TSHZ2: variants seen among roughly 807,000 people sequenced by gnomAD.
The protein encoded by TSHZ2 is teashirt homolog 2.
A neutral mutation model predicts 74.4 loss-of-function variants in TSHZ2; 21 were observed. That is an observed-to-expected ratio of 0.28 (90% CI 0.20 to 0.41). The LOEUF (loss-of-function observed/expected upper bound fraction) is 0.41. Ranked by LOEUF, TSHZ2 falls within the 10% of genes least tolerant of loss-of-function variation. The pLI is 1.00. For synonymous variants in TSHZ2, 540 were observed against 515.3 expected (o/e 1.05, Z -0.65); for missense variants, 1,244 against 1,293.5 (o/e 0.96, Z 0.59).
At chr20:53,389,538 A>G (rs931214405) in intron 2 of TSHZ2, among the ~76,000 whole-genome samples, 1 of 152,232 alleles carries the variant, frequency 6.6e-6, no homozygotes, top group Non-Finnish European at 1.5e-5. Flanking sequence ...AGACTAGCAA[A>G]TGCTAGGAGG....
intron 2 of TSHZ2, among the ~76,000 whole-genome samples, chr20:53,370,816 T>G (rs1568888578): frequency 6.6e-6 from 1 of 152,172 alleles, no homozygotes; most frequent in Non-Finnish European, 1.5e-5. Context: ...TGGGTTGGGT[T>G]TGGCTGAGGG....
chr20:53,368,253 A>C (rs1396166748), intron 2 of TSHZ2, among the ~76,000 whole-genome samples: 1 of 151,632 alleles, frequency 6.6e-6, no homozygotes, highest in Admixed American at 6.6e-5. Flanking sequence ...CTGCTAAACC[A>C]AACCAAAATA....
chr20:52,978,969 A>G (rs934090262), intron 1 of TSHZ2, among the ~76,000 whole-genome samples: 8 of 151,804 alleles, frequency 5.3e-5, no homozygotes, highest in African/African-American at 1.9e-4. Context: ...TTTTTTTTTA[A>G]GTTTTACAAG....
chr20:53,241,715 C>T (rs886281325), intron 1 of TSHZ2, among the ~76,000 whole-genome samples: 8 of 152,108 alleles, frequency 5.3e-5, no homozygotes, highest in Admixed American at 1.3e-4. Flanking sequence ...TGACTTCTTT[C>T]CAGTTATCTC....
chr20:53,165,163 C>T (rs932545642), intron 1 of TSHZ2, among the ~76,000 whole-genome samples: 1 of 152,076 alleles, frequency 6.6e-6, no homozygotes, highest in Admixed American at 6.6e-5. Context: ...GTAATAATAA[C>T]AGCTAACACT....
intron 2 of TSHZ2, among the ~76,000 whole-genome samples, chr20:53,469,890 AGAGGAAAG>A (rs1244845565): frequency 3.7e-5 from 5 of 136,372 alleles, no homozygotes; most frequent in Non-Finnish European, 6.3e-5. Flanking sequence ...AAAAAGAGAG[AGAGGAAAG>A]GAGGAAGGAA....
intron 1 of TSHZ2, among the ~76,000 whole-genome samples, chr20:53,134,265 G>A (rs1987185597): frequency 6.6e-6 from 1 of 152,078 alleles, no homozygotes; most frequent in African/African-American, 2.4e-5. Context: ...ATTTTTATCT[G>A]GAAAATACAG....
intron 1 of TSHZ2, among the ~76,000 whole-genome samples, chr20:52,992,071 T>C (rs1982016896): frequency 6.6e-6 from 1 of 152,200 alleles, no homozygotes; most frequent in Non-Finnish European, 1.5e-5. Context: ...AAATTTGCTC[T>C]CAATGGGAAA....
Position 53,017,306 on chromosome 20 carries a change from C to T in TSHZ2, c.40+43973C>T, listed in dbSNP as rs147659594. Among the ~76,000 whole-genome samples, 19 of 152,278 alleles carry T rather than the reference C, an allele frequency of 1.2e-4. No homozygotes were observed. The East Asian group carries it at 3.5e-3, about 28-fold the overall frequency. ...GTTTTGATCCCTAGTTTGCTTGACT[C>T]CACAGCCCATGACATGCTACAAGTC... On this transcript the variant is annotated intron_variant, in intron 1 of 2. Coordinates refer to ENST00000371497, the MANE Select transcript of TSHZ2 (RefSeq NM_173485.6).
Position 53,469,980 on chromosome 20 carries a change from A to C in TSHZ2, c.*9-17164A>C, listed in dbSNP as rs144807920. Among the ~76,000 whole-genome samples, 26 of 152,312 alleles carry C rather than the reference A, an allele frequency of 1.7e-4. 1 individual carries two copies. In the East Asian group the frequency reaches 5.0e-3, roughly 29 times the overall value. On this transcript the variant is annotated intron_variant, in intron 2 of 2. Coordinates refer to ENST00000371497, the MANE Select transcript of TSHZ2 (RefSeq NM_173485.6). ...AGATATTACTGATATATAACTGTTA[A>C]AATGTTTTCATTAACTCAACCGTTC...
At chr20:53,356,098 A>G (rs576585548) in intron 2 of TSHZ2, among the ~76,000 whole-genome samples, 11 of 152,236 alleles carry the variant, frequency 7.2e-5, no homozygotes, top group Non-Finnish European at 1.5e-4. Flanking sequence ...AGGGTGCTTC[A>G]TGTGCTACGA....
chr20:53,136,980 G>A (rs1421975245), intron 1 of TSHZ2, among the ~76,000 whole-genome samples: 1 of 152,136 alleles, frequency 6.6e-6, no homozygotes, highest in African/African-American at 2.4e-5. Flanking sequence ...CGGTTATGTG[G>A]TTTAATGGAC....
chr20:53,061,305 G>T (rs1261732100), intron 1 of TSHZ2, among the ~76,000 whole-genome samples: 1 of 152,162 alleles, frequency 6.6e-6, no homozygotes, highest in Non-Finnish European at 1.5e-5. Context: ...CAGATCACCA[G>T]CACATGCGTC....
At chr20:53,437,456 G>A (rs1330308696) in intron 2 of TSHZ2, among the ~76,000 whole-genome samples, 1 of 151,942 alleles carries the variant, frequency 6.6e-6, no homozygotes, top group Non-Finnish European at 1.5e-5. Context: ...CTGGGTGTCA[G>A]AGCAAGACTC....
chr20:53,106,756 G>A (rs1419879568), intron 1 of TSHZ2, among the ~76,000 whole-genome samples: 3 of 145,810 alleles, frequency 2.1e-5, no homozygotes, highest in Admixed American at 7.0e-5. Context: ...AGGGTGCAGT[G>A]GCACTATCTT....
intron 2 of TSHZ2, among the ~76,000 whole-genome samples, chr20:53,470,774 C>T (rs1665704015): frequency 6.6e-6 from 1 of 152,022 alleles, no homozygotes; most frequent in Non-Finnish European, 1.5e-5. Context: ...GATTGCGCCA[C>T]TGCACTCCAG....
chr20:53,405,248 C>CAAAAAAAAAAA lies in TSHZ2; in HGVS notation c.*9-81895_*9-81885dup, dbSNP rs796097312. ...TGGGCAGCAGAGCAAGACTCTGTCT[C>CAAAAAAAAAAA]AAAAAAAAAAACAAAGTTGCATCAT... is the stretch of plus-strand genomic sequence containing the variant. On this transcript the variant is annotated intron_variant, in intron 2 of 2. Coordinates refer to ENST00000371497, the MANE Select transcript of TSHZ2 (RefSeq NM_173485.6). Among the ~76,000 whole-genome samples the CAAAAAAAAAAA allele has an allele frequency of 2.6e-4, 37 of 143,382 alleles. 3 individuals are homozygous for CAAAAAAAAAAA. The highest frequency in any genetic ancestry group is 3.5e-3 in the Middle Eastern group (1 of 284). 94.1% of individuals were successfully genotyped at this position (143,382 alleles called of 152,430 possible).
intron 2 of TSHZ2, among the ~76,000 whole-genome samples, chr20:53,442,782 A>T (rs938290918): frequency 2.0e-5 from 3 of 152,236 alleles, no homozygotes; most frequent in African/African-American, 7.2e-5. Flanking sequence ...TGCCTTAACA[A>T]CATTGTCAAA....
intron 1 of TSHZ2, among the ~76,000 whole-genome samples, chr20:53,206,843 C>CT (rs1989181715): frequency 6.6e-6 from 1 of 152,188 alleles, no homozygotes; most frequent in African/African-American, 2.4e-5. Context: ...GGGTGAATTC[C>CT]TAACCTTCCC....
Sources: gnomAD v4.1 joint callset for allele counts (sites outside exome capture counted in the v4.1 genomes callset) on GRCh38, gnomAD v4.1.1 for gene constraint, MANE v1.5 for transcripts, NCBI Gene and HGNC (gene_info 2026-07-23, HGNC 2026-07-21) for gene names.